Variants in SLIT3 observed in about 807,000 individuals in gnomAD.
SLIT3 encodes the protein slit homolog 3 protein.
A neutral mutation model predicts 184.0 loss-of-function variants in SLIT3; 68 were observed. The observed-to-expected ratio is 0.37, with a 90% confidence interval of 0.30 to 0.45. SLIT3 has a LOEUF of 0.45. SLIT3 is among the 20% of genes least tolerant of loss of function. SLIT3 has a pLI of 1.00. For missense variants in SLIT3, 1,707 were observed against 2,026.0 expected (o/e 0.84, Z 3.02); for synonymous variants, 831 against 828.6 (o/e 1.00, Z -0.05).
chr5:168,711,878 AAT>A (rs532397518), intron 24 of SLIT3, among the ~76,000 whole-genome samples: 2 of 152,210 alleles, frequency 1.3e-5, no homozygotes, highest in Non-Finnish European at 2.9e-5. Context: ...AGTGGTTAAG[AAT>A]ATGTGCTTTG....
intron 4 of SLIT3, among the ~76,000 whole-genome samples, chr5:169,097,884 A>C (rs968750374): frequency 6.6e-6 from 1 of 152,228 alleles, no homozygotes; most frequent in African/African-American, 2.4e-5. Flanking sequence ...TTTCATGCCA[A>C]CTGAAAAGCT....
intron 34 of SLIT3, among the ~76,000 whole-genome samples, chr5:168,670,471 C>T (rs1205702251): frequency 6.6e-6 from 1 of 152,124 alleles, no homozygotes; most frequent in Non-Finnish European, 1.5e-5. Context: ...GTACATTTCA[C>T]CCATGGAAAA....
At chr5:168,920,424 G>A (rs1477507021) in intron 4 of SLIT3, among the ~76,000 whole-genome samples, 1 of 152,094 alleles carries the variant, frequency 6.6e-6, no homozygotes, top group Non-Finnish European at 1.5e-5. Context: ...ACACACACCT[G>A]GGCTAATTTT....
chr5:168,806,794 T>C (rs527316529), intron 8 of SLIT3, among the ~76,000 whole-genome samples: 1 of 152,290 alleles, frequency 6.6e-6, no homozygotes, highest in South Asian at 2.1e-4. Context: ...TTGACCTCAC[T>C]GTTTGAGTTG....
intron 3 of SLIT3, among the ~76,000 whole-genome samples, chr5:169,200,047 C>T (rs2113485248): frequency 6.6e-6 from 1 of 152,336 alleles, no homozygotes; most frequent in African/African-American, 2.4e-5. Context: ...GCCTGCCTAC[C>T]TGAGTCTGTC....
At chr5:169,001,536 G>A (rs553623423) in intron 4 of SLIT3, among the ~76,000 whole-genome samples, 1 of 152,200 alleles carries the variant, frequency 6.6e-6, no homozygotes, top group Admixed American at 6.5e-5. Flanking sequence ...ATGAGAGTGG[G>A]AATGAGAAAG....
intron 20 of SLIT3, among the ~76,000 whole-genome samples, chr5:168,733,650 G>C (rs1245246915): frequency 1.3e-5 from 2 of 152,100 alleles, no homozygotes; most frequent in African/African-American, 4.8e-5. Context: ...CAAGGGAAGG[G>C]AGAGCATTAG....
intron 4 of SLIT3, among the ~76,000 whole-genome samples, chr5:168,952,843 C>A (rs762329661): frequency 6.6e-6 from 1 of 152,120 alleles, no homozygotes; most frequent in African/African-American, 2.4e-5. Context: ...GTTTCGCAGT[C>A]GGGGAGAGAG....
intron 23 of SLIT3, among the ~76,000 whole-genome samples, chr5:168,714,243 C>T (rs1174224978): frequency 6.6e-6 from 1 of 152,244 alleles, no homozygotes; most frequent in Non-Finnish European, 1.5e-5. Flanking sequence ...ATACCAGCCC[C>T]TGCCTGCATG....
intron 4 of SLIT3, among the ~76,000 whole-genome samples, chr5:168,904,920 G>T (rs1012235185): frequency 6.6e-6 from 1 of 152,064 alleles, no homozygotes; most frequent in Admixed American, 6.5e-5. Context: ...TAATCCTAGC[G>T]CTTTGGGAGG....
At chr5:168,870,505 C>T (rs1167790125) in intron 5 of SLIT3, among the ~76,000 whole-genome samples, 2 of 152,234 alleles carry the variant, frequency 1.3e-5, no homozygotes, top group Non-Finnish European at 2.9e-5. Context: ...CTTCCAAAGT[C>T]CAGCTCTGAG....
rs918346537 is a variant in SLIT3 at position 169,027,528 on chromosome 5, G to A, written c.414-144192C>T. Among the ~76,000 whole-genome samples, 7 of 152,064 alleles carry A rather than the reference G, an allele frequency of 4.6e-5. No homozygotes were observed. In the East Asian group the frequency reaches 1.2e-3, roughly 25 times the overall value. ...ATGAAGTCAATCAATGGCTTTCCCC[G>A]CTTCCTAAGCAAATGACTTGCTCCA... On this transcript the variant is annotated intron_variant, in intron 4 of 35. Coordinates refer to ENST00000519560, the MANE Select transcript of SLIT3 (RefSeq NM_003062.4).
intron 4 of SLIT3, among the ~76,000 whole-genome samples, chr5:168,983,363 G>C (rs1019205682): frequency 6.6e-6 from 1 of 152,200 alleles, no homozygotes; most frequent in African/African-American, 2.4e-5. Context: ...TAAATCAGTA[G>C]CAAGTTAGTG....
chr5:168,882,179 TA>T (rs1040283303), intron 5 of SLIT3, among the ~76,000 whole-genome samples: 2 of 152,180 alleles, frequency 1.3e-5, no homozygotes, highest in Non-Finnish European at 2.9e-5. Flanking sequence ...GTCTTTTTTT[TA>T]AGCCTCCCTT....
At chr5:168,931,487 G>A (rs1163833291) in intron 4 of SLIT3, among the ~76,000 whole-genome samples, 1 of 152,162 alleles carries the variant, frequency 6.6e-6, no homozygotes, top group Non-Finnish European at 1.5e-5. Context: ...CTGAGCCTAA[G>A]GTTGAAGGGG....
At position 169,094,629 on chromosome 5, in the gene SLIT3, C is replaced by CA. The variant is rs200372886; in HGVS notation, c.413+98849dup. Among the ~76,000 whole-genome samples the CA allele has an allele frequency of 2.1e-3, 320 of 151,394 alleles. 1 individual carries two copies. Among genetic ancestry groups the CA allele is most frequent in the Non-Finnish European group, 3.5e-3 (234 of 67,800 alleles). On this transcript the variant is annotated intron_variant, in intron 4 of 35. Transcript: ENST00000519560. Reference sequence around the variant, plus strand: ...GGGGCAACAGAGCAAGACTCAGTCTCAAAAAAAAATTACAGCCCTTATCCA... The same window carrying CA: ...GGGGCAACAGAGCAAGACTCAGTCTCAAAAAAAAAATTACAGCCCTTATCCA...
chr5:168,685,746 C>G lies in SLIT3; in HGVS notation c.3496G>C (p.Asp1166His), dbSNP rs1761722864. Reference protein sequence around the residue: ...KLITVNFVGKDSYVELASAKV... With the variant: ...KLITVNFVGKHSYVELASAKV... ...GCGGAGGCCAGTTCCACGTAGGAGT[C>G]TTTGCCCACGAAGTTGACAGTGATG... The change falls in exon 31 of 36, where the codon GAC (aspartate) becomes CAC (histidine). Residue 1166 changes from aspartate (D) to histidine (H), a missense_variant. By Grantham distance (81) the Asp-to-His change is moderately conservative. This residue lies in a region of SLIT3 where 387 missense variants were observed against 477.9 expected (regional missense o/e 0.81). Coordinates refer to ENST00000519560, the MANE Select transcript of SLIT3 (RefSeq NM_003062.4). 5.0e-6 allele frequency: 8 copies of G among 1,602,758 alleles called. No individual in the cohort carries two copies. The highest frequency in any genetic ancestry group is 6.0e-6 in the Non-Finnish European group (7 of 1,173,222).
Position 169,193,385 on chromosome 5 carries a change from G to T in SLIT3, c.413+94C>A, listed in dbSNP as rs912203111. ...CTCTATGTCAGGGCCTAACTGCCAA[G>T]CTCCACACGGCACGGCGCTCCACAA... On this transcript the variant is annotated intron_variant, in intron 4 of 35. Transcript: ENST00000519560. 5 of 1,029,516 alleles carry T rather than the reference G, an allele frequency of 4.9e-6. No individual in the cohort carries two copies. In the African/African-American group the frequency reaches 7.8e-5, roughly 16 times the overall value. The allele number at this position is 1,029,516 out of a possible 1,614,324, so 63.8% of individuals were successfully genotyped here. A position where few individuals can be genotyped will look rare whatever the true frequency, so the allele number is the denominator to read the frequency against.
At chr5:168,798,113 A>C (rs898757770) in intron 9 of SLIT3, among the ~76,000 whole-genome samples, 2 of 152,186 alleles carry the variant, frequency 1.3e-5, no homozygotes, top group Non-Finnish European at 2.9e-5. Flanking sequence ...CAAACGAAGA[A>C]AAAAGAATTC....
Sources: gnomAD v4.1 joint callset for allele counts (sites outside exome capture counted in the v4.1 genomes callset) on GRCh38, gnomAD v4.1.1 for gene constraint, gnomAD v4.1.1 regional missense constraint, MANE v1.5 for transcripts, NCBI Gene and HGNC (gene_info 2026-07-23, HGNC 2026-07-21) for gene names.